The following RYR3 variants were observed in gnomAD, a reference collection of about 807,000 sequenced individuals.
The protein encoded by RYR3 is brain ryanodine receptor-calcium release channel.
A neutral mutation model predicts 584.3 loss-of-function variants in RYR3; 207 were observed. That is an observed-to-expected ratio of 0.35 (90% CI 0.32 to 0.40). The LOEUF (loss-of-function observed/expected upper bound fraction) is 0.40, where lower values mean the gene tolerates loss of function less well. Ranked by LOEUF, RYR3 falls within the 10% of genes least tolerant of loss-of-function variation. The pLI, the probability that RYR3 is intolerant of heterozygous loss-of-function variation, is 1.00. For synonymous variants in RYR3, 2,416 were observed against 2,248.5 expected (o/e 1.07, Z -2.11); for missense variants, 5,616 against 6,089.2 (o/e 0.92, Z 2.59).
At chr15:33,352,253 G>A (rs1156724124) in intron 1 of RYR3, among the ~76,000 whole-genome samples, 1 of 151,996 alleles carries the variant, frequency 6.6e-6, no homozygotes, top group Non-Finnish European at 1.5e-5. Flanking sequence ...TCAGATATGT[G>A]TTTTGCAAAT....
chr15:33,391,322 G>A (rs1296115110), intron 1 of RYR3, among the ~76,000 whole-genome samples: 1 of 152,126 alleles, frequency 6.6e-6, no homozygotes, highest in African/African-American at 2.4e-5. Flanking sequence ...TTTTTAAATG[G>A]AGTTTAAAAG....
chr15:33,418,753 G>A (rs191909277), intron 1 of RYR3, among the ~76,000 whole-genome samples: 3 of 152,064 alleles, frequency 2.0e-5, no homozygotes, highest in Non-Finnish European at 4.4e-5. Flanking sequence ...TTACACACTG[G>A]GGGTAGAGAT....
chr15:33,495,248 G>T (rs1196296908), intron 2 of RYR3, among the ~76,000 whole-genome samples: 1 of 152,178 alleles, frequency 6.6e-6, no homozygotes, highest in Admixed American at 6.5e-5. Flanking sequence ...AGGCATAAGA[G>T]TTGGGAGGTA....
intron 1 of RYR3, among the ~76,000 whole-genome samples, chr15:33,428,351 G>A (rs2044824021): frequency 6.6e-6 from 1 of 152,176 alleles, no homozygotes; most frequent in Non-Finnish European, 1.5e-5. Flanking sequence ...CTCAAAGAAA[G>A]GTTTTGCTTT....
intron 2 of RYR3, among the ~76,000 whole-genome samples, chr15:33,491,399 A>G (rs1464399578): frequency 6.6e-6 from 1 of 152,244 alleles, no homozygotes; most frequent in African/African-American, 2.4e-5. Context: ...ATAAGGATGA[A>G]TGCCACAGGA....
chr15:33,731,826 G>T, intron 48 of RYR3, 132 bp downstream of exon 48: 2 of 676,780 alleles, frequency 3.0e-6, no homozygotes, highest in Non-Finnish European at 5.3e-6. Context: ...CCCTCCCCCA[G>T]ACATCTCATA....
chr15:33,627,118 C>T (rs1360351642), intron 20 of RYR3, among the ~76,000 whole-genome samples: 3 of 152,150 alleles, frequency 2.0e-5, no homozygotes, highest in Admixed American at 2.0e-4. Context: ...CATGCAGGTC[C>T]TCCTGAAATG....
intron 1 of RYR3, among the ~76,000 whole-genome samples, chr15:33,334,651 G>A (rs1471139613): frequency 1.3e-5 from 2 of 152,124 alleles, no homozygotes; most frequent in Non-Finnish European, 2.9e-5. Flanking sequence ...GATGCCAAAA[G>A]CAATTGCAAC....
chr15:33,650,383 A>T (rs983358163), intron 31 of RYR3, among the ~76,000 whole-genome samples: 5 of 152,326 alleles, frequency 3.3e-5, no homozygotes, highest in Admixed American at 1.3e-4. Context: ...CTCAAAAAAA[A>T]TAAAAATAAA....
chr15:33,626,760 C>T (rs2061011389), intron 20 of RYR3, among the ~76,000 whole-genome samples: 1 of 152,198 alleles, frequency 6.6e-6, no homozygotes, highest in Admixed American at 6.5e-5. Flanking sequence ...CAGGCCATGG[C>T]TTCAGAGGGT....
At chr15:33,641,628 C>A (rs1372228885) in intron 27 of RYR3, among the ~76,000 whole-genome samples, 1 of 152,104 alleles carries the variant, frequency 6.6e-6, no homozygotes, top group South Asian at 2.1e-4. Flanking sequence ...ATTAATCTTT[C>A]CTCTCTGTCC....
chr15:33,712,242 A>G (rs1042924602), intron 43 of RYR3, among the ~76,000 whole-genome samples: 1 of 152,130 alleles, frequency 6.6e-6, no homozygotes, highest in Non-Finnish European at 1.5e-5. Context: ...CCATGATTCA[A>G]ACACCTCCCA....
chr15:33,724,009 C>T, intron 44 of RYR3, 56 bp from the exon 45 acceptor site: 1 of 921,982 alleles, frequency 1.1e-6, no homozygotes, highest in South Asian at 1.4e-5. Context: ...TTATGTCTCG[C>T]AGCATGGCAG....
intron 10 of RYR3, among the ~76,000 whole-genome samples, chr15:33,559,254 A>G (rs2057274846): frequency 6.6e-6 from 1 of 152,208 alleles, no homozygotes; most frequent in South Asian, 2.1e-4. Context: ...GAGAATGTGT[A>G]CAGGTATCCT....
intron 42 of RYR3, among the ~76,000 whole-genome samples, chr15:33,705,672 A>G (rs1395631135): frequency 6.6e-6 from 1 of 152,218 alleles, no homozygotes; most frequent in Non-Finnish European, 1.5e-5. Context: ...CCTGGAAGCA[A>G]AGAGACCACC....
intron 88 of RYR3, 121 bp from the exon 89 acceptor site, chr15:33,837,510 A>G (rs1439167841): frequency 5.6e-6 from 6 of 1,066,632 alleles, no homozygotes; most frequent in Non-Finnish European, 7.9e-6. Flanking sequence ...CTACATCATC[A>G]CGGTCAGAGA....
chr15:33,739,957 G>C lies in RYR3; in HGVS notation c.7782G>C (p.Ala2594=). The part of the protein sequence containing the change: ...ATLEKQISVD[A]DGNFDPKPIN... ...TGGAGAAACAGATCTCAGTGGATGC[G>C]GATGGCAACTTTGACCCAAAACCTA... The change falls in exon 51 of 104, where the codon GCG becomes GCC. Residue 2594 remains alanine, a synonymous_variant. Transcript: ENST00000634891. 6.2e-7 allele frequency: 1 copy of C among 1,613,878 alleles called. No individual in the cohort carries two copies. Among genetic ancestry groups the C allele is most frequent in the Non-Finnish European group, 8.5e-7 (1 of 1,179,852 alleles).
At chr15:33,724,267 G>T in intron 45 of RYR3, 91 bp downstream of exon 45, 1 of 722,360 alleles carries the variant, frequency 1.4e-6, no homozygotes, top group Middle Eastern at 2.4e-4. Context: ...CTCTGTCTCT[G>T]GCATTTGCTA....
intron 60 of RYR3, among the ~76,000 whole-genome samples, chr15:33,763,570 A>G (rs2072701959): frequency 6.6e-6 from 1 of 152,172 alleles, no homozygotes. Context: ...ATGAGATACC[A>G]TCTCACGCCA....
Sources: gnomAD v4.1 joint callset for allele counts (sites outside exome capture counted in the v4.1 genomes callset) on GRCh38, gnomAD v4.1.1 for gene constraint, MANE v1.5 for transcripts, NCBI Gene and HGNC (gene_info 2026-07-23, HGNC 2026-07-21) for gene names.